The following BAIAP2 variants were observed in gnomAD, a reference collection of about 807,000 sequenced individuals.
BAIAP2 encodes the protein BAR/IMD domain-containing adapter protein 2.
BAIAP2 carries 18 observed loss-of-function variants against 63.0 expected under a neutral mutation model. The observed-to-expected ratio is 0.29, with a 90% CI of 0.20 to 0.42. The LOEUF (loss-of-function observed/expected upper bound fraction) is 0.42, where lower values mean the gene tolerates loss of function less well. Ranked by LOEUF, BAIAP2 falls within the 10% of genes least tolerant of loss-of-function variation. The pLI is 1.00. For synonymous variants in BAIAP2, 386 were observed against 307.6 expected, an observed-to-expected ratio of 1.25 and a Z score of -2.67; for missense variants, 610 against 734.3, an observed-to-expected ratio of 0.83 and a Z score of 1.96.
rs549718976 is a variant in BAIAP2 at position 81,068,648 on chromosome 17, T to C, written c.217+10681T>C. On this transcript the variant is annotated intron_variant, in intron 3 of 13. Transcript: ENST00000428708. ...CAGGTGGCTCCGCTCTTGTGTCCCCTGTCCCCGCTTCCCTGCCCTGGGGAG... is the reference window on the plus strand; with the variant it reads ...CAGGTGGCTCCGCTCTTGTGTCCCCCGTCCCCGCTTCCCTGCCCTGGGGAG... Among the ~76,000 whole-genome samples the C allele has an allele frequency of 2.0e-5, 3 of 152,304 alleles. No individual in the cohort carries two copies. The East Asian group carries it at 5.8e-4, about 29-fold the overall frequency.
rs753309801 is a variant in BAIAP2, at chr17:81,057,975, C to T, written c.217+8C>T. The T allele has an allele frequency of 5.4e-5, 5 of 93,246 alleles. No homozygotes were observed. The highest frequency in any genetic ancestry group is 9.1e-4 in the East Asian group (1 of 1,098). The allele number at this position is 93,246 out of a possible 1,614,324, so 5.8% of individuals were successfully genotyped here. ...AGGGCTCCAAAGAACTCGGTGAGAC[C>T]CCCCCCCCCCCCCCGCCTGGTAGTC... is the stretch of plus-strand genomic sequence containing the variant. On this transcript the variant is annotated splice_region_variant and intron_variant, in intron 3 of 13. Transcript: ENST00000428708.
intron 3 of BAIAP2, among the ~76,000 whole-genome samples, chr17:81,075,491 C>T (rs922942625): frequency 2.0e-5 from 3 of 152,228 alleles, no homozygotes; most frequent in South Asian, 2.1e-4. Context: ...GCTTGCATGC[C>T]GTGCTGTCTT....
Position 81,116,096 on chromosome 17 carries a change from C to CCT in BAIAP2, c.*260_*261dup. Reference sequence around the variant, plus strand: ...AGGGGCCGCCTCTTGAGGGTACACGCCTCTGGTCACATGGCCATGGAGCCT... The same window carrying CCT: ...AGGGGCCGCCTCTTGAGGGTACACGCCTCTCTGGTCACATGGCCATGGAGCCT... On this transcript the variant is annotated 3_prime_UTR_variant, in exon 14 of 14. Coordinates refer to ENST00000428708, the MANE Select transcript of BAIAP2 (RefSeq NM_001144888.2). 1 of 1,532,676 alleles carries CCT rather than the reference C, an allele frequency of 6.5e-7. No homozygotes were observed. Among genetic ancestry groups the CCT allele is most frequent in the Admixed American group, 1.9e-5 (1 of 52,640 alleles). The allele number at this position is 1,532,676 out of a possible 1,614,324, so 94.9% of individuals were successfully genotyped here. A position where few individuals can be genotyped will look rare whatever the true frequency, so the allele number is the denominator to read the frequency against.
intron 3 of BAIAP2, among the ~76,000 whole-genome samples, chr17:81,072,188 G>A (rs2052801895): frequency 6.6e-6 from 1 of 152,224 alleles, no homozygotes; most frequent in African/African-American, 2.4e-5. Flanking sequence ...ACCTGCCCAA[G>A]GGCTGCCACT....
chr17:81,042,119 CTTTTTTTTTTCTTTTCTTTTTTCTT>C (rs1568059584), intron 1 of BAIAP2, among the ~76,000 whole-genome samples: 1 of 141,588 alleles, frequency 7.1e-6, no homozygotes, highest in Non-Finnish European at 1.5e-5. Context: ...GTTACTGGCA[CTTTTTTTTTTCTTTTCTTTTTTCTT>C]TTTTTTTTTT....
chr17:81,035,416 C>T, intron 1 of BAIAP2, 108 bp downstream of exon 1: 1 of 592,756 alleles, frequency 1.7e-6, no homozygotes, highest in Non-Finnish European at 2.1e-6. Context: ...CGCGCCGGGC[C>T]AGGAGGCTGG....
At chr17:81,107,969 C>T in intron 12 of BAIAP2, 1 of 167,526 alleles carries the variant, frequency 6.0e-6, no homozygotes, top group Non-Finnish European at 1.3e-5. Context: ...CCAGCCCCAG[C>T]GCCACACCTG....
chr17:81,055,567 G>GGGGTTTTTTTTTTTTTT (rs2049340145), intron 2 of BAIAP2, among the ~76,000 whole-genome samples: 1 of 17,612 alleles, frequency 5.7e-5, no homozygotes, highest in Admixed American at 7.6e-4. Context: ...AGTCTGCAGG[G>GGGGTTTTTTTTTTTTTT]TGTTTTGTTT....
chr17:81,047,764 C>G (rs777466930), intron 1 of BAIAP2, among the ~76,000 whole-genome samples: 5 of 151,224 alleles, frequency 3.3e-5, no homozygotes, highest in Non-Finnish European at 7.4e-5. Flanking sequence ...CAGCTCATGC[C>G]CACAGCACAC....
chr17:81,106,019 G>C (rs1244107024), intron 10 of BAIAP2, 59 bp from the exon 11 acceptor site: 1 of 1,460,020 alleles, frequency 6.8e-7, no homozygotes, highest in Admixed American at 2.0e-5. Context: ...GATGGTGGTC[G>C]GTGGGGGATG....
rs148153723 is a variant in BAIAP2 at position 81,037,477 on chromosome 17, C to T, written c.54+2169C>T. Among the ~76,000 whole-genome samples the T allele has an allele frequency of 4.6e-3, 694 of 152,306 alleles. 3 individuals are homozygous for T. The highest frequency in any genetic ancestry group is 0.016 in the African/African-American group (662 of 41,558). ...GGAGCTCAAGGTGCCTTGGTAGTGC[C>T]GGTACTGGTTGGGCAGCTTTTGGCA... On this transcript the variant is annotated intron_variant, in intron 1 of 13. Transcript: ENST00000428708.
chr17:81,102,722 C>T (rs778205973), intron 7 of BAIAP2, among the ~76,000 whole-genome samples: 3 of 81,528 alleles, frequency 3.7e-5, no homozygotes, highest in African/African-American at 7.2e-5. Flanking sequence ...TAGAAGGGAA[C>T]GGGGATGAGT....
chr17:81,089,943 C>T (rs930605910), intron 6 of BAIAP2, among the ~76,000 whole-genome samples: 3 of 152,124 alleles, frequency 2.0e-5, no homozygotes, highest in African/African-American at 7.2e-5. Context: ...CTCATCTTCT[C>T]GGCCTCCCAG....
chr17:81,096,963 AAG>A (rs2057729580), intron 6 of BAIAP2, among the ~76,000 whole-genome samples: 3 of 150,412 alleles, frequency 2.0e-5, no homozygotes, highest in Admixed American at 6.6e-5. Context: ...AGAGGAGGAG[AAG>A]AAGGAGAAAG....
At chr17:81,052,797 C>G (rs978375162) in intron 1 of BAIAP2, among the ~76,000 whole-genome samples, 1 of 152,290 alleles carries the variant, frequency 6.6e-6, no homozygotes, top group Middle Eastern at 3.4e-3. Flanking sequence ...GGGTTGGGGC[C>G]CCACAGCCTC....
chr17:81,086,620 C>G (rs2055690228), intron 6 of BAIAP2, 40 bp downstream of exon 6: 6 of 1,609,102 alleles, frequency 3.7e-6, no homozygotes, highest in South Asian at 3.3e-5. Flanking sequence ...CTCCTGCCAC[C>G]TTGGGACTGC....
intron 3 of BAIAP2, among the ~76,000 whole-genome samples, chr17:81,059,123 GC>G (rs145916501): frequency 0.013 from 1,942 of 150,176 alleles, 25 homozygotes; most frequent in East Asian, 0.051. Context: ...CCTCATCGGA[GC>G]CCCCCCCCCA....
rs563727126 is a variant in BAIAP2 at position 81,085,843 on chromosome 17, T to A, written c.351+118T>A. ...CACTTCCCCGAGCTCCCCGTCCACA[T>A]GGGCCCCAGCTCTGACTTTATTGTC... On this transcript the variant is annotated intron_variant, in intron 5 of 13. Coordinates refer to ENST00000428708, the MANE Select transcript of BAIAP2 (RefSeq NM_001144888.2). 5.2e-6 allele frequency: 4 copies of A among 763,922 alleles called. No individual in the cohort carries two copies. In the East Asian group the frequency reaches 1.0e-4, roughly 20 times the overall value. 47.3% of individuals were successfully genotyped at this position (763,922 alleles called of 1,614,324 possible). A position where few individuals can be genotyped will look rare whatever the true frequency, so the allele number is the denominator to read the frequency against.
chr17:81,102,624 G>C (rs2058650013), intron 7 of BAIAP2, among the ~76,000 whole-genome samples: 1 of 152,240 alleles, frequency 6.6e-6, no homozygotes, highest in African/African-American at 2.4e-5. Context: ...AGCAGCAGAG[G>C]GGTAGGGGTG....
Sources: allele counts gnomAD v4.1 joint callset (sites outside exome capture counted in the v4.1 genomes callset), GRCh38; gene constraint gnomAD v4.1.1; transcripts MANE v1.5; gene names NCBI Gene and HGNC (gene_info 2026-07-23, HGNC 2026-07-21).